KIF21A: variants seen among roughly 807,000 people sequenced by gnomAD.
The protein encoded by KIF21A is kinesin family member 21A.
Under a neutral mutation model 202.9 loss-of-function variants are expected in KIF21A, and 114 were observed. The ratio of observed to expected loss-of-function variants is 0.56; its 90% CI spans 0.48 to 0.66. KIF21A has a LOEUF of 0.66. Among genes scored for constraint, KIF21A ranks in the 30% least tolerant of loss-of-function variants. KIF21A has a pLI of 0.00. For synonymous variants in KIF21A, 667 were observed against 670.8 expected, an observed-to-expected ratio of 0.99 and a Z score of 0.09; for missense variants, 1,677 against 1,994.9, an observed-to-expected ratio of 0.84 and a Z score of 3.04.
intron 1 of KIF21A, among the ~76,000 whole-genome samples, chr12:39,434,062 A>G (rs1188351486): frequency 1.3e-5 from 2 of 152,202 alleles, no homozygotes; most frequent in Non-Finnish European, 2.9e-5. Flanking sequence ...TTGTGGTGCT[A>G]TAACAAAATA....
chr12:39,441,198 C>A (rs1254012547), intron 1 of KIF21A, among the ~76,000 whole-genome samples: 1 of 152,066 alleles, frequency 6.6e-6, no homozygotes, highest in Non-Finnish European at 1.5e-5. Flanking sequence ...TCCTAACATA[C>A]ACACCAAAAC....
chr12:39,434,841 C>T (rs1592738716), intron 1 of KIF21A, among the ~76,000 whole-genome samples: 1 of 152,298 alleles, frequency 6.6e-6, no homozygotes, highest in Admixed American at 6.5e-5. Flanking sequence ...TCTCCAAGGT[C>T]TCTTGTTCCC....
At chr12:39,338,165 C>A (rs59163149) in intron 16 of KIF21A, among the ~76,000 whole-genome samples, 3 of 152,094 alleles carry the variant, frequency 2.0e-5, no homozygotes, top group South Asian at 2.1e-4. Flanking sequence ...GAGGTGAAGA[C>A]GGTGATATTG....
chr12:39,414,324 T>C (rs1054180831), intron 1 of KIF21A, among the ~76,000 whole-genome samples: 31 of 152,244 alleles, frequency 2.0e-4, no homozygotes, highest in African/African-American at 7.2e-4. Flanking sequence ...AAGTGCTCAC[T>C]ATGAAACCAT....
intron 1 of KIF21A, among the ~76,000 whole-genome samples, chr12:39,376,101 C>T (rs762825893): frequency 9.2e-5 from 14 of 152,008 alleles, no homozygotes; most frequent in Non-Finnish European, 1.3e-4. Flanking sequence ...TTTAAATTAC[C>T]GTTTGGATAC....
Position 39,443,094 on chromosome 12 carries a change from G to A in KIF21A, c.-124C>T, listed in dbSNP as rs1939892467. ...GCGGGCGGGCGGCCGGCTCACCTCCGCCGCGCTCCAGCCATGTTGGGCGAC... is the reference window on the plus strand; with the variant it reads ...GCGGGCGGGCGGCCGGCTCACCTCCACCGCGCTCCAGCCATGTTGGGCGAC... On this transcript the variant is annotated 5_prime_UTR_variant, in exon 1 of 38. Transcript: ENST00000361418. 2 of 954,340 alleles carry A rather than the reference G, an allele frequency of 2.1e-6. No individual in the cohort carries two copies. Among genetic ancestry groups the A allele is most frequent in the Non-Finnish European group, 2.9e-6 (2 of 693,472 alleles). The allele number at this position is 954,340 out of a possible 1,614,324, so 59.1% of individuals were successfully genotyped here.
intron 1 of KIF21A, among the ~76,000 whole-genome samples, chr12:39,424,158 T>C (rs559229542): frequency 1.3e-5 from 2 of 152,252 alleles, no homozygotes; most frequent in South Asian, 4.1e-4. Flanking sequence ...CAGCTCATAT[T>C]TGAGTCATAA....
At chr12:39,339,045 G>A (rs776704283) in intron 16 of KIF21A, among the ~76,000 whole-genome samples, 3 of 152,048 alleles carry the variant, frequency 2.0e-5, no homozygotes, top group Non-Finnish European at 4.4e-5. Context: ...TTGGGAGGTC[G>A]AGGTTAGTGG....
rs10580436 is a variant in KIF21A, at chr12:39,355,707, TTATATATA to T, written c.1469+1117_1469+1124del. Among the ~76,000 whole-genome samples, 628 of 101,234 alleles carry T rather than the reference TTATATATA, an allele frequency of 6.2e-3. 48 individuals are homozygous for T. The highest frequency in any genetic ancestry group is 0.026 in the African/African-American group (535 of 20,634). The allele number at this position is 101,234 out of a possible 152,430, so 66.4% of individuals were successfully genotyped here. ...TACCAAAAACATGAAGCATGAACAA[TTATATATA>T]TATATATATATATATATATGTTATA... On this transcript the variant is annotated intron_variant, in intron 10 of 37. Coordinates refer to ENST00000361418, the MANE Select transcript of KIF21A (RefSeq NM_001173464.2).
At chr12:39,374,354 C>G (rs981946853) in intron 1 of KIF21A, among the ~76,000 whole-genome samples, 15 of 152,216 alleles carry the variant, frequency 9.9e-5, no homozygotes, top group African/African-American at 3.6e-4. Flanking sequence ...AAAATAAGAT[C>G]ATTAAACACA....
At chr12:39,420,409 G>A (rs924340942) in intron 1 of KIF21A, among the ~76,000 whole-genome samples, 1 of 152,110 alleles carries the variant, frequency 6.6e-6, no homozygotes, top group African/African-American at 2.4e-5. Context: ...GAACCCAAGG[G>A]TGTAATGGCC....
chr12:39,349,280 G>A (rs1157845863), intron 11 of KIF21A, among the ~76,000 whole-genome samples: 1 of 152,068 alleles, frequency 6.6e-6, no homozygotes, highest in Non-Finnish European at 1.5e-5. Flanking sequence ...CATTTTATGT[G>A]AGTGAGCTGA....
At chr12:39,350,932 G>A (rs1270233354) in intron 11 of KIF21A, among the ~76,000 whole-genome samples, 1 of 151,988 alleles carries the variant, frequency 6.6e-6, no homozygotes, top group Non-Finnish European at 1.5e-5. Context: ...CATTCCTCCT[G>A]TAACAAACCA....
intron 1 of KIF21A, among the ~76,000 whole-genome samples, chr12:39,395,460 G>A (rs1592528030): frequency 6.6e-6 from 1 of 150,470 alleles, no homozygotes; most frequent in Non-Finnish European, 1.5e-5. Flanking sequence ...TTTCCATACC[G>A]CCATATTTCC....
In KIF21A at chr12:39,322,657, G is replaced by A; in HGVS notation, c.3671+11C>T. On this transcript the variant is annotated intron_variant, in intron 27 of 37. Transcript: ENST00000361418. ...AAAGAAAAGAAGTTAGTGTAGCTGG[G>A]CCAAACTTACATGCTGCCTATCTTA... 1 of 1,611,228 alleles carries A rather than the reference G, an allele frequency of 6.2e-7. No individual in the cohort carries two copies. Among genetic ancestry groups the A allele is most frequent in the Non-Finnish European group, 8.5e-7 (1 of 1,177,574 alleles).
chr12:39,341,885 A>G, intron 13 of KIF21A, 149 bp downstream of exon 13: 1 of 709,176 alleles, frequency 1.4e-6, no homozygotes, highest in Non-Finnish European at 2.5e-6. Flanking sequence ...TATAGCTTGT[A>G]TCTCTGAAGA....
chr12:39,350,061 A>G (rs1418574934), intron 11 of KIF21A, among the ~76,000 whole-genome samples: 2 of 151,852 alleles, frequency 1.3e-5, no homozygotes, highest in African/African-American at 2.4e-5. Flanking sequence ...GCTATCTTTC[A>G]TTTCTTATCT....
At chr12:39,303,258 G>A (rs1943138763) in intron 35 of KIF21A, 123 bp from the exon 36 acceptor site, 1 of 771,794 alleles carries the variant, frequency 1.3e-6, no homozygotes, top group Non-Finnish European at 2.1e-6. Context: ...GTTATCTATT[G>A]TTTCTGGTTT....
intron 1 of KIF21A, among the ~76,000 whole-genome samples, chr12:39,421,848 A>G (rs1336555814): frequency 6.8e-6 from 1 of 147,512 alleles, no homozygotes; most frequent in African/African-American, 2.5e-5. Flanking sequence ...AATTACATAT[A>G]TAATTTATAT....
Sources: gnomAD v4.1 joint callset for allele counts (sites outside exome capture counted in the v4.1 genomes callset) on GRCh38, gnomAD v4.1.1 for gene constraint, MANE v1.5 for transcripts, NCBI Gene and HGNC (gene_info 2026-07-23, HGNC 2026-07-21) for gene names.